Variants in RFWD3 observed in about 807,000 individuals in gnomAD.
RFWD3 encodes the protein E3 ubiquitin-protein ligase RFWD3.
In RFWD3, 65 loss-of-function variants were observed where a neutral mutation model predicts 87.7. The observed-to-expected ratio is 0.74, with a 90% CI of 0.61 to 0.91. The LOEUF (loss-of-function observed/expected upper bound fraction) is 0.91, where lower values mean the gene tolerates loss of function less well. Among genes scored for constraint, RFWD3 ranks in the 40% least tolerant of loss-of-function variants. The probability of loss-of-function intolerance (pLI) is 0.00; values close to 1 mark genes in which losing one functional copy is unlikely to be tolerated. For synonymous variants in RFWD3, 433 were observed against 352.8 expected, an observed-to-expected ratio of 1.23 and a Z score of -2.55; for missense variants, 1,078 against 938.5, an observed-to-expected ratio of 1.15 and a Z score of -1.94.
At chr16:74,661,472 A>C (rs1413016409) in intron 1 of RFWD3, 21 bp from the exon 2 acceptor site, 1 of 1,560,248 alleles carries the variant, frequency 6.4e-7, no homozygotes, top group Non-Finnish European at 8.7e-7. Context: ...AGTATTTGTA[A>C]AAAGTATTAA....
intron 2 of RFWD3, chr16:74,660,726 C>G: frequency 5.3e-6 from 3 of 563,820 alleles, no homozygotes; most frequent in Non-Finnish European, 9.3e-6. Flanking sequence ...AAACTACCAC[C>G]TAGTTTTCAA....
In RFWD3 at chr16:74,626,375, A is replaced by C; in HGVS notation, c.2149T>G (p.Cys717Gly). Reference sequence around the variant, plus strand: ...GAATTTGCTGCTTCATCCCCAGTACACACCAGGATGTTGCCATCATTCTCT... The same window carrying C: ...GAATTTGCTGCTTCATCCCCAGTACCCACCAGGATGTTGCCATCATTCTCT... ...SPENDGNILVCTGDEAANSAL... is the reference protein window; with the variant it reads ...SPENDGNILVGTGDEAANSAL... Residue 717 changes from cysteine (C) to glycine (G), a missense_variant, in exon 12 of 13, where the codon TGT becomes GGT. Cys to Gly is a radical substitution (Grantham distance 159, BLOSUM62 -3). Coordinates refer to ENST00000361070, the MANE Select transcript of RFWD3 (RefSeq NM_018124.4). The C allele has an allele frequency of 6.2e-7, 1 of 1,614,210 alleles. No individual in the cohort carries two copies. The highest frequency in any genetic ancestry group is 8.5e-7 in the Non-Finnish European group (1 of 1,180,038).
intron 12 of RFWD3, among the ~76,000 whole-genome samples, chr16:74,624,542 T>TCCA (rs2144002523): frequency 6.6e-6 from 1 of 152,290 alleles, no homozygotes; most frequent in Non-Finnish European, 1.5e-5. Context: ...ATTACAGACA[T>TCCA]CCACCACCAC....
intron 2 of RFWD3, among the ~76,000 whole-genome samples, chr16:74,658,065 AAACC>A (rs1961139003): frequency 6.6e-6 from 1 of 152,206 alleles, no homozygotes; most frequent in Non-Finnish European, 1.5e-5. Context: ...GGAACTGTGA[AAACC>A]AACAGGAAGC....
At chr16:74,637,791 C>A in intron 7 of RFWD3, 65 bp downstream of exon 7, 17 of 1,176,966 alleles carry the variant, frequency 1.4e-5, no homozygotes, top group Non-Finnish European at 2.0e-5. Flanking sequence ...ATGAACATAA[C>A]TAACATTAGC....
chr16:74,628,308 T>A (rs1958994023), intron 11 of RFWD3, 144 bp downstream of exon 11: 2 of 707,936 alleles, frequency 2.8e-6, no homozygotes, highest in African/African-American at 1.8e-5. Context: ...GCCACCATAC[T>A]CCCTGTAGTA....
chr16:74,656,230 G>A (rs894574767), intron 2 of RFWD3, among the ~76,000 whole-genome samples: 15 of 150,514 alleles, frequency 1.0e-4, no homozygotes, highest in African/African-American at 2.4e-4. Context: ...ACCTGAGCCC[G>A]GGGAGGTTGA....
intron 1 of RFWD3, chr16:74,664,720 G>C (rs1477934989): frequency 6.6e-6 from 1 of 151,312 alleles, no homozygotes; most frequent in Non-Finnish European, 1.5e-5. Flanking sequence ...CTGCACTCCA[G>C]ACCGGGAGAG....
chr16:74,637,509 C>T (rs1959244530), intron 7 of RFWD3, among the ~76,000 whole-genome samples: 1 of 152,014 alleles, frequency 6.6e-6, no homozygotes, highest in Non-Finnish European at 1.5e-5. Context: ...CTCCTGTAAT[C>T]CCAGCACCTC....
In RFWD3 at chr16:74,624,049, G is replaced by C; in HGVS notation, c.2204C>G (p.Ser735Trp). 6.2e-7 allele frequency: 1 copy of C among 1,613,874 alleles called. No homozygotes were observed. Residue 735 changes from serine (S) to tryptophan (W), a missense_variant, in exon 13 of 13, where the codon TCG becomes TGG. Physicochemically the swap from Ser to Trp is radical, Grantham distance 177. Coordinates refer to ENST00000361070, the MANE Select transcript of RFWD3 (RefSeq NM_018124.4). Reference protein sequence around the residue: ...SALLWDAASGSLLQDLQTDQP... With the variant: ...SALLWDAASGWLLQDLQTDQP... ...ATCGGTCTGTAGGTCCTGGAGCAAC[G>C]AGCCACTGGCAGCATCCCACAGCTA...
intron 12 of RFWD3, among the ~76,000 whole-genome samples, chr16:74,626,114 G>A (rs1958925055): frequency 6.6e-6 from 1 of 152,146 alleles, no homozygotes; most frequent in East Asian, 1.9e-4. Flanking sequence ...TTGAACCCAA[G>A]AAATAGAGGT....
chr16:74,637,141 A>AAC (rs1555525980), intron 7 of RFWD3, among the ~76,000 whole-genome samples: 1 of 150,434 alleles, frequency 6.6e-6, no homozygotes. Flanking sequence ...AAAAAAAAAA[A>AAC]AAAACAACTT....
rs1046248462 is a variant in RFWD3, at chr16:74,621,576, A to T, written c.*2352T>A. On this transcript the variant is annotated 3_prime_UTR_variant, in exon 13 of 13. Transcript: ENST00000361070. ...TCCTCAAGTGGGGAAAAAAACTTAG[A>T]GGTAGTGACAAAGGAATATGGTGGG... 16 of 152,194 alleles carry T rather than the reference A, an allele frequency of 1.1e-4. No individual in the cohort carries two copies. Among genetic ancestry groups the T allele is most frequent in the African/African-American group, 3.9e-4 (16 of 41,438 alleles). The allele number at this position is 152,194 out of a possible 1,614,324, so 9.4% of individuals were successfully genotyped here. A position where few individuals can be genotyped will look rare whatever the true frequency, so the allele number is the denominator to read the frequency against.
At chr16:74,653,911 A>T (rs1960764280) in intron 2 of RFWD3, among the ~76,000 whole-genome samples, 1 of 152,250 alleles carries the variant, frequency 6.6e-6, no homozygotes, top group East Asian at 1.9e-4. Context: ...GACCTCTTAA[A>T]AAAAGAAATG....
At chr16:74,632,762 C>A in intron 8 of RFWD3, 89 bp from the exon 9 acceptor site, 2 of 1,233,742 alleles carry the variant, frequency 1.6e-6, no homozygotes, top group Admixed American at 2.1e-5. Context: ...CTTCGTCCAC[C>A]TTTCTTGGCG....
chr16:74,657,888 A>T (rs1276993683), intron 2 of RFWD3, among the ~76,000 whole-genome samples: 1 of 152,210 alleles, frequency 6.6e-6, no homozygotes, highest in Non-Finnish European at 1.5e-5. Flanking sequence ...GCATTTCATA[A>T]GAAGATTTAA....
chr16:74,631,287 C>T (rs1235819440), intron 9 of RFWD3, among the ~76,000 whole-genome samples: 3 of 152,112 alleles, frequency 2.0e-5, no homozygotes, highest in African/African-American at 7.2e-5. Flanking sequence ...AGTTTGAGAC[C>T]AGCCTGGCCA....
intron 3 of RFWD3, among the ~76,000 whole-genome samples, chr16:74,650,299 T>A (rs983350115): frequency 6.6e-6 from 1 of 152,164 alleles, no homozygotes; most frequent in Admixed American, 6.6e-5. Flanking sequence ...CCACCCCCGT[T>A]TCTACAAACT....
In RFWD3 at chr16:74,630,880, G is replaced by T; in HGVS notation, c.1655C>A (p.Ala552Asp). 1.2e-6 allele frequency: 2 copies of T among 1,614,046 alleles called. No homozygotes were observed. The highest frequency in any genetic ancestry group is 1.7e-6 in the Non-Finnish European group (2 of 1,179,936). ...GGCCAGTCCAGCATAGATGTAGTTA[G>T]CCTCATCAAGACACCAGCAACAGCT... The part of the protein sequence containing the change: ...VWSCCWCLDE[A>D]NYIYAGLANG... Residue 552 changes from alanine (A) to aspartate (D), a missense_variant, in exon 10 of 13, where the codon GCT (alanine) becomes GAT (aspartate). Physicochemically the swap from Ala to Asp is moderately radical, Grantham distance 126. Transcript: ENST00000361070.
Sources: allele counts gnomAD v4.1 joint callset (sites outside exome capture counted in the v4.1 genomes callset), GRCh38; gene constraint gnomAD v4.1.1; transcripts MANE v1.5; gene names NCBI Gene and HGNC (gene_info 2026-07-23, HGNC 2026-07-21).